GALNT13: variants seen among roughly 807,000 people sequenced by gnomAD.
GALNT13 encodes UDP-GalNAc:polypeptide N-acetylgalactosaminyltransferase 13.
A neutral mutation model predicts 64.2 loss-of-function variants in GALNT13; 28 were observed. That is an observed-to-expected ratio of 0.44 (90% confidence interval 0.32 to 0.60). GALNT13 has a LOEUF of 0.60. Ranked by LOEUF, GALNT13 falls within the 20% of genes least tolerant of loss-of-function variation. The pLI is 0.05. For missense variants in GALNT13, 577 were observed against 669.8 expected (o/e 0.86, Z 1.53); for synonymous variants, 214 against 224.6 (o/e 0.95, Z 0.42).
chr2:153,636,244 C>T, the GALNT13 span, among the ~76,000 whole-genome samples: 1 of 152,040 alleles, frequency 6.6e-6, no homozygotes, highest in Non-Finnish European at 1.5e-5. Flanking sequence ...AAGCAATTAC[C>T]TAGTTATTTT....
chr2:153,474,804 G>C, the GALNT13 span, among the ~76,000 whole-genome samples: 1 of 152,136 alleles, frequency 6.6e-6, no homozygotes, highest in Non-Finnish European at 1.5e-5. Flanking sequence ...GCTTTTAGAG[G>C]AATCTGTCTC....
At chr2:153,662,967 C>A in the GALNT13 span, among the ~76,000 whole-genome samples, 8 of 152,150 alleles carry the variant, frequency 5.3e-5, no homozygotes, top group Non-Finnish European at 8.8e-5. Context: ...ACTCCTGTAG[C>A]AGCCTTTTCA....
the GALNT13 span, among the ~76,000 whole-genome samples, chr2:153,267,129 T>G: frequency 1.2e-4 from 19 of 152,232 alleles, no homozygotes; most frequent in African/African-American, 4.8e-5. Flanking sequence ...TGACTCTGTG[T>G]GTCACATCCA....
At chr2:153,622,980 G>A in the GALNT13 span, among the ~76,000 whole-genome samples, 43 of 152,212 alleles carry the variant, frequency 2.8e-4, no homozygotes, top group African/African-American at 1.0e-3. Context: ...GGGTAGTCTT[G>A]TAAGGTCTGT....
At chr2:153,778,142 A>G in the GALNT13 span, among the ~76,000 whole-genome samples, 28 of 151,870 alleles carry the variant, frequency 1.8e-4, no homozygotes, top group African/African-American at 6.1e-4. Context: ...GTGTGCTCCT[A>G]TCCTGGTGTG....
At chr2:154,249,663 T>C (rs920263232) in intron 7 of GALNT13, among the ~76,000 whole-genome samples, 6 of 152,136 alleles carry the variant, frequency 3.9e-5, no homozygotes, top group Non-Finnish European at 7.4e-5. Flanking sequence ...ATCATTAATA[T>C]TTTTAATATG....
At chr2:153,820,453 G>A in the GALNT13 span, among the ~76,000 whole-genome samples, 17 of 152,068 alleles carry the variant, frequency 1.1e-4, 1 homozygote, top group South Asian at 3.3e-3. Flanking sequence ...CAATGCCAAA[G>A]AAAAAATCTT....
the GALNT13 span, among the ~76,000 whole-genome samples, chr2:153,601,289 T>A: frequency 5.9e-5 from 9 of 151,728 alleles, no homozygotes; most frequent in Non-Finnish European, 1.0e-4. Flanking sequence ...TGTTACATAT[T>A]CCTGAAACAG....
intron 4 of GALNT13, among the ~76,000 whole-genome samples, chr2:154,153,547 AG>A (rs1237908985): frequency 4.6e-5 from 7 of 152,318 alleles, no homozygotes; most frequent in South Asian, 2.1e-4. Context: ...GAGCCTACAG[AG>A]GCAGGCAGGC....
At chr2:154,140,820 T>A (rs1316722049) in intron 4 of GALNT13, among the ~76,000 whole-genome samples, 1 of 152,186 alleles carries the variant, frequency 6.6e-6, no homozygotes, top group Non-Finnish European at 1.5e-5. Context: ...AAATATGCTC[T>A]TTAGTAGATT....
chr2:153,262,256 C>A, the GALNT13 span, among the ~76,000 whole-genome samples: 8 of 152,284 alleles, frequency 5.3e-5, no homozygotes, highest in South Asian at 1.7e-3. Context: ...TGTTCAGGGA[C>A]AAAGGCAGGT....
chr2:153,353,303 A>T, the GALNT13 span, among the ~76,000 whole-genome samples: 1 of 152,146 alleles, frequency 6.6e-6, no homozygotes, highest in Non-Finnish European at 1.5e-5. Context: ...CTAGTCTTGC[A>T]TTCTGCAACC....
intron 9 of GALNT13, among the ~76,000 whole-genome samples, chr2:154,344,451 A>T (rs957419319): frequency 3.2e-5 from 3 of 94,448 alleles, no homozygotes; most frequent in Non-Finnish European, 8.7e-5. Context: ...TAAAACTGTG[A>T]AGATATTAGC....
intron 3 of GALNT13, among the ~76,000 whole-genome samples, chr2:153,997,753 C>G (rs1273871088): frequency 1.3e-5 from 2 of 152,138 alleles, no homozygotes; most frequent in Non-Finnish European, 2.9e-5. Context: ...ATCAACCTGT[C>G]ATCTACATTA....
chr2:153,113,497 G>C, the GALNT13 span, among the ~76,000 whole-genome samples: 6 of 152,070 alleles, frequency 3.9e-5, no homozygotes, highest in East Asian at 1.2e-3. Flanking sequence ...ACAACCTGGA[G>C]TTTCATATGT....
At chr2:153,977,756 A>T (rs539322052) in intron 3 of GALNT13, among the ~76,000 whole-genome samples, 4 of 152,320 alleles carry the variant, frequency 2.6e-5, no homozygotes, top group African/African-American at 7.2e-5. Flanking sequence ...CTGTATATTA[A>T]CAATATATCT....
intron 4 of GALNT13, among the ~76,000 whole-genome samples, chr2:154,176,546 C>A (rs1035960031): frequency 3.9e-5 from 6 of 151,920 alleles, no homozygotes; most frequent in Admixed American, 3.9e-4. Flanking sequence ...GCCACCACAC[C>A]CGGCCTAGAA....
intron 3 of GALNT13, among the ~76,000 whole-genome samples, chr2:154,021,791 G>A (rs1405593156): frequency 6.6e-6 from 1 of 150,820 alleles, no homozygotes; most frequent in East Asian, 2.0e-4. Flanking sequence ...GTTTTCAAAG[G>A]GAATGCTTCC....
intron 9 of GALNT13, among the ~76,000 whole-genome samples, chr2:154,367,306 C>A (rs956658459): frequency 1.3e-5 from 2 of 152,054 alleles, no homozygotes; most frequent in African/African-American, 4.8e-5. Flanking sequence ...AATCCCCTCT[C>A]TAGAAATGAA....
Sources: gnomAD v4.1 joint callset for allele counts (sites outside exome capture counted in the v4.1 genomes callset) on GRCh38, gnomAD v4.1.1 for gene constraint, MANE v1.5 for transcripts, NCBI Gene and HGNC (gene_info 2026-07-23, HGNC 2026-07-21) for gene names.